The following ECE1 variants were observed in gnomAD, a reference collection of about 807,000 sequenced individuals.
ECE1 encodes the protein endothelin converting enzyme 1.
ECE1 carries 35 observed loss-of-function variants against 98.6 expected under a neutral mutation model. The ratio of observed to expected loss-of-function variants is 0.35; its 90% CI spans 0.27 to 0.47. ECE1 has a LOEUF of 0.47. ECE1 is among the 20% of genes least tolerant of loss of function. The pLI, the probability that ECE1 is intolerant of heterozygous loss-of-function variation, is 1.00. For missense variants in ECE1, 814 were observed against 1,025.3 expected (o/e 0.79, Z 2.81); for synonymous variants, 394 against 407.1 (o/e 0.97, Z 0.39).
chr1:21,245,135 G>T, intron 9 of ECE1, 32 bp from the exon 10 acceptor site: 1 of 1,589,218 alleles, frequency 6.3e-7, no homozygotes, highest in East Asian at 2.2e-5. Context: ...GAGGCTCAGG[G>T]ACACCTAGGC....
Position 21,319,785 on chromosome 1 carries a change from T to C in ECE1, c.3+25591A>G, listed in dbSNP as rs1230541541. On this transcript the variant is annotated intron_variant, in intron 1 of 18. Coordinates refer to the ECE1 transcript ENST00000415912. This position sits in a 1 kb window ranked among gnomAD's most constrained non-coding sequence, Gnocchi z 4.4. ...AGAGGGCCAACAAGCAGTCTGGGTG[T>C]TTACATTAGTTCAGCTGAGACAGGC... Among the ~76,000 whole-genome samples, 4 of 152,110 alleles carry C rather than the reference T, an allele frequency of 2.6e-5. No homozygotes were observed. Among genetic ancestry groups the C allele is most frequent in the African/African-American group, 4.8e-5 (2 of 41,406 alleles).
At chr1:21,274,207 G>C (rs942823099) in intron 3 of ECE1, among the ~76,000 whole-genome samples, 1 of 152,200 alleles carries the variant, frequency 6.6e-6, no homozygotes, top group Non-Finnish European at 1.5e-5. Flanking sequence ...GGAGGGCGGA[G>C]AGCTGAGAGC....
chr1:21,247,654 G>A (rs1218954960), intron 8 of ECE1, among the ~76,000 whole-genome samples: 3 of 152,322 alleles, frequency 2.0e-5, no homozygotes, highest in Admixed American at 6.5e-5. Context: ...GCCAGGAGCC[G>A]TGGCAAATGA....
Position 21,258,658 on chromosome 1 carries a change from GC to G in ECE1, c.762+34del. The stretch of plus-strand genomic sequence containing the variant: ...CTCAAAACAGGAAGAGGTCGTGCCC[GC>G]CCCCTCGACCGCTGCAGGTTCAAGC... On this transcript the variant is annotated intron_variant, in intron 6 of 18. Coordinates refer to ENST00000374893, the MANE Select transcript of ECE1 (RefSeq NM_001397.3). This position sits in a 1 kb window ranked among gnomAD's most constrained non-coding sequence, Gnocchi z 4.2. 7.3e-7 allele frequency: 1 copy of G among 1,374,916 alleles called. No individual in the cohort carries two copies. The highest frequency in any genetic ancestry group is 1.1e-5 in the South Asian group (1 of 87,982). 85.2% of individuals were successfully genotyped at this position (1,374,916 alleles called of 1,614,324 possible).
chr1:21,281,729 C>G (rs1032037000), intron 2 of ECE1, among the ~76,000 whole-genome samples: 2 of 152,164 alleles, frequency 1.3e-5, no homozygotes, highest in African/African-American at 4.8e-5. Context: ...TGGAGTCTCC[C>G]TCTGTTACCC....
At chr1:21,257,700 G>C (rs899368971) in intron 6 of ECE1, 110 bp from the exon 7 acceptor site, 8 of 1,149,024 alleles carry the variant, frequency 7.0e-6, no homozygotes, top group African/African-American at 1.5e-5. Flanking sequence ...GCCCAGCTCA[G>C]GCCCTTGGAG....
At chr1:21,302,840 G>T (rs955833290) in intron 1 of ECE1, among the ~76,000 whole-genome samples, 1 of 152,172 alleles carries the variant, frequency 6.6e-6, no homozygotes, top group Non-Finnish European at 1.5e-5. Flanking sequence ...CAAATGACAG[G>T]CTTGTCCAGA....
At chr1:21,239,174 C>T (rs1037976185) in intron 10 of ECE1, among the ~76,000 whole-genome samples, 9 of 152,098 alleles carry the variant, frequency 5.9e-5, no homozygotes, top group African/African-American at 1.9e-4. Context: ...TTGGTCTTGC[C>T]TACAAGCCCC....
rs143195882 is a variant in ECE1, at chr1:21,246,995, G to T, written c.1163+226C>A. On this transcript the variant is annotated intron_variant, in intron 9 of 18. Transcript: ENST00000374893. The stretch of plus-strand genomic sequence containing the variant: ...TCACCATTTTATGAAGGAGGAGAAT[G>T]AACTTAAGAAAGGTTACGAAATTTG... 9.3e-4 allele frequency among the ~76,000 whole-genome samples: 141 copies of T among 152,334 alleles called. 3 individuals carry two copies. Among genetic ancestry groups the T allele is most frequent in the Non-Finnish European group, 1.5e-4 (10 of 68,032 alleles).
chr1:21,264,628 T>C (rs1384899749), intron 4 of ECE1, among the ~76,000 whole-genome samples: 8 of 152,140 alleles, frequency 5.3e-5, no homozygotes, highest in Non-Finnish European at 1.5e-5. Flanking sequence ...ATTCCTGAAA[T>C]TGGCCAGAAG....
At chr1:21,293,242 G>C (rs1315364773), upstream of ECE1, 1 of 152,126 alleles carries the variant, frequency 6.6e-6, no homozygotes, top group African/African-American at 2.4e-5. Flanking sequence ...TCCTCCTTCT[G>C]TCTCATTTCA....
chr1:21,273,346 CGTGTGTGTGTGTGTGTGTGT>C (rs60168069), intron 3 of ECE1, among the ~76,000 whole-genome samples: 1 of 133,078 alleles, frequency 7.5e-6, no homozygotes, highest in Non-Finnish European at 1.6e-5. Flanking sequence ...TGCGTGTGTG[CGTGTGTGTGTGTGTGTGTGT>C]GTGTGTGTGT....
At chr1:21,221,326 T>C (rs1326673653) in intron 18 of ECE1, among the ~76,000 whole-genome samples, 1 of 152,120 alleles carries the variant, frequency 6.6e-6, no homozygotes, top group African/African-American at 2.4e-5. Flanking sequence ...GCCACCACCA[T>C]GCCTGACTTT....
chr1:21,261,622 C>T (rs1281825875), intron 4 of ECE1, among the ~76,000 whole-genome samples: 2 of 152,162 alleles, frequency 1.3e-5, no homozygotes, highest in South Asian at 2.1e-4. Context: ...GGACAGAAAG[C>T]GGGTCTTATT....
chr1:21,316,015 G>A (rs1313908546), intron 1 of ECE1, among the ~76,000 whole-genome samples: 2 of 152,188 alleles, frequency 1.3e-5, no homozygotes, highest in East Asian at 3.8e-4. Context: ...TCCTCACAGT[G>A]ACTGAGTGCG....
intron 1 of ECE1, among the ~76,000 whole-genome samples, chr1:21,314,198 G>T (rs1202623426): frequency 1.3e-5 from 2 of 152,208 alleles, no homozygotes; most frequent in African/African-American, 4.8e-5. Context: ...AAAAAGATGG[G>T]ATCAAATTTG....
Position 21,233,256 on chromosome 1 carries a change from T to C in ECE1, c.1670+302A>G. ...ATTCTGCGGAAAATGAAATGAAGGC[T>C]CCAAATCCCAAAGCAGTGGAGCGGA... On this transcript the variant is annotated intron_variant, in intron 14 of 18. Transcript: ENST00000374893. This position sits in a 1 kb window ranked among gnomAD's most constrained non-coding sequence, Gnocchi z 4.0. 6.0e-6 allele frequency: 2 copies of C among 330,626 alleles called. No homozygotes were observed. The highest frequency in any genetic ancestry group is 4.2e-5 in the Admixed American group (1 of 23,732). 20.5% of individuals were successfully genotyped at this position (330,626 alleles called of 1,614,324 possible).
At chr1:21,308,484 G>A (rs76450551) in intron 1 of ECE1, among the ~76,000 whole-genome samples, 21,404 of 152,072 alleles carry the variant, frequency 0.14, 1,942 homozygotes, top group Non-Finnish European at 0.2. Context: ...TTGTGAGAGG[G>A]AGGGGCCAGG....
At chr1:21,221,345 A>G (rs1300047889) in intron 18 of ECE1, among the ~76,000 whole-genome samples, 1 of 151,352 alleles carries the variant, frequency 6.6e-6, no homozygotes, top group Admixed American at 6.6e-5. Context: ...TTTTTTTTGT[A>G]TTTTTTCATA....
Sources: allele counts gnomAD v4.1 joint callset (sites outside exome capture counted in the v4.1 genomes callset), GRCh38; gene constraint gnomAD v4.1.1; non-coding constraint Gnocchi (gnomAD v3.1); transcripts MANE v1.5; gene names NCBI Gene and HGNC (gene_info 2026-07-23, HGNC 2026-07-21).